ROBO2: variants seen among roughly 807,000 people sequenced by gnomAD.
ROBO2 encodes roundabout homolog 2.
A neutral mutation model predicts 160.8 loss-of-function variants in ROBO2; 53 were observed. The observed-to-expected ratio is 0.33, with a 90% CI of 0.26 to 0.41. The LOEUF (loss-of-function observed/expected upper bound fraction) is 0.41. ROBO2 is among the 10% of genes least tolerant of loss of function. The pLI is 1.00. For synonymous variants in ROBO2, 664 were observed against 611.7 expected, an observed-to-expected ratio of 1.09 and a Z score of -1.26; for missense variants, 1,577 against 1,722.4, an observed-to-expected ratio of 0.92 and a Z score of 1.49.
chr3:75,955,722 T>TGA, intron 2 of ROBO2, among the ~76,000 whole-genome samples: 1 of 151,862 alleles, frequency 6.6e-6, no homozygotes, highest in South Asian at 2.1e-4. Flanking sequence ...TTTGGGTTTA[T>TGA]GAGGCTTCCA....
intron 2 of ROBO2, among the ~76,000 whole-genome samples, chr3:76,595,114 G>T (rs1215649215): frequency 6.6e-6 from 1 of 151,836 alleles, no homozygotes; most frequent in East Asian, 1.9e-4. Flanking sequence ...ACCAGATACT[G>T]GATTTATGGG....
chr3:77,149,916 G>A (rs546023560), intron 2 of ROBO2, among the ~76,000 whole-genome samples: 69 of 151,648 alleles, frequency 4.6e-4, no homozygotes, highest in African/African-American at 1.6e-3. Context: ...CTGTTTAGGC[G>A]GGATTACAAA....
intron 2 of ROBO2, among the ~76,000 whole-genome samples, chr3:77,142,958 T>C (rs1319604162): frequency 6.6e-6 from 1 of 152,088 alleles, no homozygotes; most frequent in Non-Finnish European, 1.5e-5. Flanking sequence ...CAGCAGTCAC[T>C]CTGTCAACGG....
At chr3:77,099,350 T>G (rs2071584253) in intron 2 of ROBO2, among the ~76,000 whole-genome samples, 1 of 152,144 alleles carries the variant, frequency 6.6e-6, no homozygotes. Context: ...ATGAAGTTTT[T>G]CGTTCTCAGG....
At chr3:76,152,067 A>G (rs948567925) in intron 2 of ROBO2, among the ~76,000 whole-genome samples, 2 of 152,178 alleles carry the variant, frequency 1.3e-5, no homozygotes, top group African/African-American at 2.4e-5. Flanking sequence ...TGAGCTTTAA[A>G]AGGCCATTTA....
intron 2 of ROBO2, among the ~76,000 whole-genome samples, chr3:76,035,496 CTAGATTTTCTCCAGGG>C (rs2107733941): frequency 6.6e-6 from 1 of 151,938 alleles, no homozygotes; most frequent in South Asian, 2.1e-4. Context: ...ATGCGCTAGG[CTAGATTTTCTCCAGGG>C]TAGATTTTCT....
chr3:76,604,684 C>T (rs996214745), intron 2 of ROBO2, among the ~76,000 whole-genome samples: 7 of 152,070 alleles, frequency 4.6e-5, no homozygotes, highest in Admixed American at 2.6e-4. Flanking sequence ...AGTTATGCTA[C>T]TCAAATGCCA....
chr3:77,169,056 C>T (rs1210005338), intron 2 of ROBO2, among the ~76,000 whole-genome samples: 1 of 152,210 alleles, frequency 6.6e-6, no homozygotes, highest in Non-Finnish European at 1.5e-5. Context: ...GACTTTCCCT[C>T]TCCACTTGTT....
intron 2 of ROBO2, among the ~76,000 whole-genome samples, chr3:76,689,455 A>T (rs1312627478): frequency 6.6e-6 from 1 of 152,018 alleles, no homozygotes; most frequent in African/African-American, 2.4e-5. Context: ...CATCATCTCA[A>T]CATTTATCTT....
intron 2 of ROBO2, among the ~76,000 whole-genome samples, chr3:76,639,368 G>T (rs962684791): frequency 6.6e-6 from 1 of 151,100 alleles, no homozygotes; most frequent in African/African-American, 2.4e-5. Context: ...ATATATACCT[G>T]CATATGTTTG....
chr3:77,334,179 C>T (rs758981394), intron 2 of ROBO2, among the ~76,000 whole-genome samples: 3 of 152,048 alleles, frequency 2.0e-5, no homozygotes, highest in Non-Finnish European at 4.4e-5. Context: ...TTAAGCTGTA[C>T]GTGGATTAGG....
intron 2 of ROBO2, among the ~76,000 whole-genome samples, chr3:76,394,024 G>A (rs2077291190): frequency 6.6e-6 from 1 of 152,090 alleles, no homozygotes; most frequent in Admixed American, 6.6e-5. Flanking sequence ...GTGTGTCTCT[G>A]CACGTGAGAT....
intron 2 of ROBO2, among the ~76,000 whole-genome samples, chr3:77,149,749 G>C (rs1381424306): frequency 8.6e-5 from 13 of 151,426 alleles, no homozygotes. Flanking sequence ...TGTCCCAGAT[G>C]TGATCTCTAT....
chr3:77,285,929 C>A (rs1356597581), intron 2 of ROBO2, among the ~76,000 whole-genome samples: 7 of 151,910 alleles, frequency 4.6e-5, no homozygotes, highest in African/African-American at 1.5e-4. Context: ...TATATAAATA[C>A]CAATGCCCTA....
At chr3:77,174,044 A>G (rs2079894929) in intron 2 of ROBO2, among the ~76,000 whole-genome samples, 1 of 152,112 alleles carries the variant, frequency 6.6e-6, no homozygotes, top group African/African-American at 2.4e-5. Flanking sequence ...AATGGAATAA[A>G]CATAATTCTC....
intron 2 of ROBO2, among the ~76,000 whole-genome samples, chr3:77,354,998 C>T (rs954547666): frequency 6.6e-6 from 1 of 152,130 alleles, no homozygotes; most frequent in South Asian, 2.1e-4. Flanking sequence ...ACTTTTTTAG[C>T]ATAAAGTTCT....
intron 2 of ROBO2, among the ~76,000 whole-genome samples, chr3:76,723,814 T>C (rs2093503416): frequency 6.6e-6 from 1 of 152,214 alleles, no homozygotes; most frequent in Admixed American, 6.5e-5. Context: ...TCTCTAAGTG[T>C]GAGTTGTCTA....
intron 2 of ROBO2, among the ~76,000 whole-genome samples, chr3:77,123,132 A>G (rs760998044): frequency 3.3e-5 from 5 of 152,210 alleles, no homozygotes; most frequent in Non-Finnish European, 5.9e-5. Flanking sequence ...TTCCACAACA[A>G]TGTTAATCAG....
intron 2 of ROBO2, among the ~76,000 whole-genome samples, chr3:76,937,359 T>C (rs1210882829): frequency 6.6e-6 from 1 of 152,086 alleles, no homozygotes; most frequent in Non-Finnish European, 1.5e-5. Flanking sequence ...TTTTTTTTAA[T>C]CTGATGCCAT....
Sources: allele counts gnomAD v4.1 joint callset (sites outside exome capture counted in the v4.1 genomes callset), GRCh38; gene constraint gnomAD v4.1.1; transcripts MANE v1.5; gene names NCBI Gene and HGNC (gene_info 2026-07-23, HGNC 2026-07-21).